DPP10: variants seen among roughly 807,000 people sequenced by gnomAD.
DPP10 encodes inactive dipeptidyl peptidase 10.
A neutral mutation model predicts 120.9 loss-of-function variants in DPP10; 33 were observed. The ratio of observed to expected loss-of-function variants is 0.27; its 90% CI spans 0.21 to 0.37. The LOEUF (loss-of-function observed/expected upper bound fraction) is 0.37. Ranked by LOEUF, DPP10 falls within the 10% of genes least tolerant of loss-of-function variation. DPP10 has a pLI of 1.00. For synonymous variants in DPP10, 337 were observed against 326.1 expected (o/e 1.03, Z -0.36); for missense variants, 816 against 942.8 (o/e 0.87, Z 1.76).
intron 1 of DPP10, among the ~76,000 whole-genome samples, chr2:114,770,904 T>G (rs1045743267): frequency 1.3e-4 from 20 of 152,106 alleles, no homozygotes; most frequent in African/African-American, 4.8e-4. Flanking sequence ...CTCCTTGATA[T>G]CCTTCAGCAA....
At chr2:115,557,381 A>T (rs531148361) in intron 5 of DPP10, among the ~76,000 whole-genome samples, 1 of 152,208 alleles carries the variant, frequency 6.6e-6, no homozygotes, top group African/African-American at 2.4e-5. Context: ...TTCAAAACAG[A>T]TTACCAGTCT....
intron 1 of DPP10, among the ~76,000 whole-genome samples, chr2:115,227,494 T>C (rs1193719962): frequency 6.6e-6 from 1 of 152,218 alleles, no homozygotes; most frequent in African/African-American, 2.4e-5. Context: ...TTCTGAGTTT[T>C]GGCAGCTATA....
At chr2:115,083,082 C>G (rs1278149874) in intron 1 of DPP10, among the ~76,000 whole-genome samples, 2 of 152,112 alleles carry the variant, frequency 1.3e-5, no homozygotes, top group African/African-American at 4.8e-5. Context: ...GACACTGGAT[C>G]TTTGTGCTTC....
intron 5 of DPP10, among the ~76,000 whole-genome samples, chr2:115,603,560 G>GTTTTTTTTTTTTTTTTTTTTTT (rs10637786): frequency 3.2e-5 from 4 of 126,424 alleles, no homozygotes; most frequent in Admixed American, 8.5e-5. Context: ...CGTTGTTGTT[G>GTTTTTTTTTTTTTTTTTTTTTT]TTTTTTTTTG....
intron 1 of DPP10, among the ~76,000 whole-genome samples, chr2:114,667,744 AC>A (rs1698036785): frequency 6.6e-6 from 1 of 152,172 alleles, no homozygotes. Flanking sequence ...ACAGAAACTT[AC>A]GTTTTTACAA....
At chr2:115,366,880 C>A (rs1283473460) in intron 3 of DPP10, among the ~76,000 whole-genome samples, 1 of 152,052 alleles carries the variant, frequency 6.6e-6, no homozygotes, top group African/African-American at 2.4e-5. Context: ...TGAAAAATCA[C>A]ATTGCACCCC....
At chr2:115,113,621 G>A (rs1573661110) in intron 1 of DPP10, among the ~76,000 whole-genome samples, 1 of 152,252 alleles carries the variant, frequency 6.6e-6, no homozygotes, top group East Asian at 1.9e-4. Flanking sequence ...AAAGGTGGAA[G>A]AGGACTAGGT....
intron 1 of DPP10, among the ~76,000 whole-genome samples, chr2:114,527,307 G>A (rs770809222): frequency 1.4e-4 from 21 of 152,230 alleles, no homozygotes; most frequent in African/African-American, 4.1e-4. Context: ...CCTTAAACCC[G>A]GGAGTCCTTA....
intron 1 of DPP10, among the ~76,000 whole-genome samples, chr2:114,722,099 G>A (rs946328262): frequency 6.6e-6 from 1 of 152,138 alleles, no homozygotes; most frequent in Non-Finnish European, 1.5e-5. Flanking sequence ...GATTATAGAT[G>A]TTACTGACCA....
At chr2:115,493,474 A>G (rs573206892) in intron 3 of DPP10, among the ~76,000 whole-genome samples, 1 of 152,032 alleles carries the variant, frequency 6.6e-6, no homozygotes, top group Admixed American at 6.6e-5. Context: ...AAGAATCCAT[A>G]TAAGAAGGTG....
At chr2:115,407,261 C>G (rs1043334591) in intron 3 of DPP10, among the ~76,000 whole-genome samples, 1 of 152,230 alleles carries the variant, frequency 6.6e-6, no homozygotes, top group African/African-American at 2.4e-5. Context: ...TCTCAGCCTT[C>G]AGGCTGTTTC....
intron 1 of DPP10, among the ~76,000 whole-genome samples, chr2:114,864,104 A>G (rs1281026351): frequency 2.6e-5 from 4 of 152,254 alleles, no homozygotes; most frequent in Non-Finnish European, 5.9e-5. Context: ...TTAGAGAAAC[A>G]TAATGGAGGA....
chr2:115,552,419 G>T (rs912514715), intron 5 of DPP10, among the ~76,000 whole-genome samples: 3 of 152,084 alleles, frequency 2.0e-5, no homozygotes, highest in African/African-American at 7.2e-5. Context: ...CTTCATGAAG[G>T]CTCCTTCCAG....
At chr2:115,200,008 A>G (rs774180117) in intron 1 of DPP10, among the ~76,000 whole-genome samples, 1 of 152,164 alleles carries the variant, frequency 6.6e-6, no homozygotes, top group Non-Finnish European at 1.5e-5. Flanking sequence ...TAGAATGACT[A>G]TATTCCAAAC....
chr2:115,368,087 A>G (rs2065183367), intron 3 of DPP10, among the ~76,000 whole-genome samples: 1 of 152,142 alleles, frequency 6.6e-6, no homozygotes, highest in Admixed American at 6.6e-5. Flanking sequence ...GTCTGTGACC[A>G]TTATTGAAGG....
intron 5 of DPP10, among the ~76,000 whole-genome samples, chr2:115,563,433 CGA>C (rs1349645779): frequency 6.6e-6 from 1 of 151,982 alleles, no homozygotes; most frequent in Non-Finnish European, 1.5e-5. Flanking sequence ...CCCCTGCACT[CGA>C]GAGAGCTGTT....
chr2:114,668,016 T>A (rs1030336319), intron 1 of DPP10, among the ~76,000 whole-genome samples: 2 of 152,134 alleles, frequency 1.3e-5, no homozygotes, highest in Non-Finnish European at 2.9e-5. Flanking sequence ...ACATTTTTTT[T>A]TTTGCTAAGA....
At chr2:115,508,066 A>G (rs1051190896) in intron 4 of DPP10, among the ~76,000 whole-genome samples, 3 of 152,178 alleles carry the variant, frequency 2.0e-5, no homozygotes, top group African/African-American at 7.2e-5. Flanking sequence ...ATTTTTGACA[A>G]TGGAATCTAT....
intron 2 of DPP10, chr2:115,342,035 T>A (rs1013849735): frequency 2.1e-5 from 8 of 389,050 alleles, no homozygotes; most frequent in African/African-American, 1.5e-4. Flanking sequence ...TTTTCCAAAG[T>A]GACTGTACCA....
Sources: allele counts gnomAD v4.1 joint callset (sites outside exome capture counted in the v4.1 genomes callset), GRCh38; gene constraint gnomAD v4.1.1; transcripts MANE v1.5; gene names NCBI Gene and HGNC (gene_info 2026-07-23, HGNC 2026-07-21).